Variants in UPF3B observed in about 807,000 individuals in gnomAD.
UPF3B encodes the protein regulator of nonsense transcripts 3B.
UPF3B carries 7 observed loss-of-function variants against 40.3 expected under a neutral mutation model. The ratio of observed to expected loss-of-function variants is 0.17; its 90% CI spans 0.10 to 0.33. The LOEUF is 0.33. Among genes scored for constraint, UPF3B ranks in the 10% least tolerant of loss-of-function variants. The pLI, the probability that UPF3B is intolerant of heterozygous loss-of-function variation, is 1.00. For missense variants in UPF3B, 229 were observed against 358.9 expected, an observed-to-expected ratio of 0.64 and a Z score of 2.93; for synonymous variants, 117 against 117.3, an observed-to-expected ratio of 1.00 and a Z score of 0.01.
chrX:119,806,835 C>T (rs1002853999), intron 6 of UPF3B, among the ~76,000 whole-genome samples: 1 of 108,997 alleles, frequency 9.2e-6, no homozygotes, highest in Non-Finnish European at 1.9e-5. Context: ...TCAAGACCAG[C>T]GTGGCCAACG....
chrX:119,842,237 A>G (rs1233097318), intron 5 of UPF3B, among the ~76,000 whole-genome samples: 3 of 111,538 alleles, frequency 2.7e-5, no homozygotes, highest in Non-Finnish European at 3.8e-5. Context: ...TTGGAAGAAT[A>G]TTTTTCATTT....
chrX:119,832,024 A>G (rs904516345), downstream of UPF3B, among the ~76,000 whole-genome samples: 1 of 111,632 alleles, frequency 9.0e-6, no homozygotes, highest in Non-Finnish European at 1.9e-5. Flanking sequence ...AAGTAGCACA[A>G]TTGCGGCTCA....
At chrX:119,852,612 C>T (rs1221955603) in intron 1 of UPF3B, among the ~76,000 whole-genome samples, 161 bp downstream of exon 1, 1 of 112,670 alleles carries the variant, frequency 8.9e-6, no homozygotes, top group East Asian at 2.8e-4. Flanking sequence ...GGGGCTCTCC[C>T]CATTTCGGGT....
At chrX:119,840,747 GA>G (rs1299856346) in intron 7 of UPF3B, 63 bp from the exon 8 acceptor site, 3 of 1,073,759 alleles carry the variant, frequency 2.8e-6, no homozygotes, top group Admixed American at 2.3e-5. Context: ...AGAAAAAGCT[GA>G]AAAAAAACCA....
At chrX:119,840,239 C>T (rs976657601) in intron 8 of UPF3B, among the ~76,000 whole-genome samples, 4 of 111,598 alleles carry the variant, frequency 3.6e-5, no homozygotes, top group Non-Finnish European at 5.6e-5. Context: ...TGCATGAATC[C>T]GAATCTGCTG....
intron 3 of UPF3B, among the ~76,000 whole-genome samples, chrX:119,824,657 G>T (rs1298300395): frequency 9.0e-6 from 1 of 111,123 alleles, no homozygotes; most frequent in Non-Finnish European, 1.9e-5. Flanking sequence ...TCTCTTTCTC[G>T]TGGGTGTTCA....
intron 10 of UPF3B, among the ~76,000 whole-genome samples, chrX:119,836,751 C>T (rs1040069371): frequency 9.5e-6 from 1 of 104,761 alleles, no homozygotes; most frequent in African/African-American, 3.5e-5. Context: ...CCCAGGTTCA[C>T]GCCATTTTCC....
chrX:119,817,744 C>T (rs1321108539), intron 4 of UPF3B, among the ~76,000 whole-genome samples: 1 of 111,706 alleles, frequency 9.0e-6, no homozygotes, highest in Non-Finnish European at 1.9e-5. Flanking sequence ...GTGAAAAGAG[C>T]TCCTATCAGC....
intron 5 of UPF3B, among the ~76,000 whole-genome samples, chrX:119,809,212 T>C (rs2055813115): frequency 9.1e-6 from 1 of 110,417 alleles, no homozygotes; most frequent in Non-Finnish European, 1.9e-5. Context: ...TCAGATCTGG[T>C]GTGACTCACT....
intron 5 of UPF3B, among the ~76,000 whole-genome samples, chrX:119,842,576 T>TCACACA (rs1491435021): frequency 2.4e-4 from 16 of 66,223 alleles, no homozygotes; most frequent in African/African-American, 1.4e-3. Context: ...CAAGACTCCA[T>TCACACA]CTCTCACACA....
chrX:119,838,278 GCTTAT>G, intron 9 of UPF3B, 84 bp downstream of exon 9: 3 of 1,065,478 alleles, frequency 2.8e-6, no homozygotes, highest in Non-Finnish European at 3.9e-6. Flanking sequence ...GCATAAAACA[GCTTAT>G]CTTAATTCAG....
At chrX:119,805,821 A>AG (rs1271407143) in intron 6 of UPF3B, among the ~76,000 whole-genome samples, 1 of 94,623 alleles carries the variant, frequency 1.1e-5, no homozygotes, top group Admixed American at 1.2e-4. Context: ...ATCATTAAAA[A>AG]GTCAGGAAAC....
intron 3 of UPF3B, among the ~76,000 whole-genome samples, chrX:119,828,529 G>C (rs944575775): frequency 1.5e-4 from 17 of 111,008 alleles, no homozygotes; most frequent in African/African-American, 4.9e-4. Flanking sequence ...AAAAGTAGCT[G>C]AGTGTGGTGT....
intron 7 of UPF3B, 62 bp from the exon 8 acceptor site, chrX:119,840,746 T>TG (rs2056151463): frequency 1.3e-5 from 14 of 1,100,511 alleles, no homozygotes; most frequent in Non-Finnish European, 1.8e-5. Flanking sequence ...AAGAAAAAGC[T>TG]GAAAAAAAAC....
At chrX:119,827,913 ATT>A (rs1267156952) in intron 3 of UPF3B, among the ~76,000 whole-genome samples, 1 of 104,631 alleles carries the variant, frequency 9.6e-6, no homozygotes, top group Non-Finnish European at 2.0e-5. Context: ...ATTTTTTTAT[ATT>A]TGTAGAGATG....
chrX:119,830,007 C>T (rs1397793382), downstream of UPF3B, among the ~76,000 whole-genome samples: 1 of 111,898 alleles, frequency 8.9e-6, no homozygotes, highest in African/African-American at 3.2e-5. Flanking sequence ...TTCCTTTAAT[C>T]CTGTCGCCCA....
chrX:119,824,837 G>C (rs181282641), intron 3 of UPF3B, among the ~76,000 whole-genome samples: 1 of 92,697 alleles, frequency 1.1e-5, no homozygotes, highest in Admixed American at 1.4e-4. Flanking sequence ...CATGATCTCT[G>C]CTCACTGCAA....
At chrX:119,826,725 T>C (rs1055721030) in intron 3 of UPF3B, among the ~76,000 whole-genome samples, 1 of 112,131 alleles carries the variant, frequency 8.9e-6, no homozygotes, top group African/African-American at 3.2e-5. Flanking sequence ...AAAACAGCAA[T>C]GACTTTTGCT....
intron 1 of UPF3B, among the ~76,000 whole-genome samples, chrX:119,852,267 C>T (rs976112051): frequency 1.8e-5 from 2 of 111,671 alleles, no homozygotes; most frequent in Non-Finnish European, 3.8e-5. Flanking sequence ...ACGTCCAACA[C>T]ATCTTAAAAC....
Sources: gnomAD v4.1 joint callset for allele counts (sites outside exome capture counted in the v4.1 genomes callset) on GRCh38, gnomAD v4.1.1 for gene constraint, MANE v1.5 for transcripts, NCBI Gene and HGNC (gene_info 2026-07-23, HGNC 2026-07-21) for gene names.